ZNF581: variants seen among roughly 807,000 people sequenced by gnomAD.
ZNF581 encodes the protein zinc finger protein 581.
In ZNF581, 1 loss-of-function variant was observed where a neutral mutation model predicts 1.2. The observed-to-expected ratio is 0.83, with a 90% CI of 0.30 to 3.95. The LOEUF is 3.95. Among genes scored for constraint, ZNF581 ranks in the 30% most tolerant of loss-of-function variants. The pLI, the probability that ZNF581 is intolerant of heterozygous loss-of-function variation, is 0.18. For missense variants in ZNF581, 273 were observed against 274.6 expected, an observed-to-expected ratio of 0.99 and a Z score of 0.04; for synonymous variants, 105 against 109.2, an observed-to-expected ratio of 0.96 and a Z score of 0.24.
At chr19:55,639,976 G>A (rs1381879602), upstream of ZNF581, 1 of 213,690 alleles carries the variant, frequency 4.7e-6, no homozygotes, top group Non-Finnish European at 8.0e-6. Context: ...CATTTCAAGA[G>A]TGTAAGAGTC....
chr19:55,640,207 G>A (rs1047269683), upstream of ZNF581: 1 of 985,358 alleles, frequency 1.0e-6, no homozygotes, highest in Non-Finnish European at 1.2e-6. Context: ...CAGCTGCCCC[G>A]AGTGCTGCCG....
At chr19:55,640,493 G>C, upstream of ZNF581, 1 of 985,448 alleles carries the variant, frequency 1.0e-6, no homozygotes, top group Non-Finnish European at 1.2e-6. Flanking sequence ...CTGGCCCTCT[G>C]TGGGCCTCGG....
chr19:55,644,110 C>T lies in ZNF581; in HGVS notation c.-20+336C>T, dbSNP rs920409394. Reference sequence around the variant, plus strand: ...AACCTGGGGGTCCTAACGTCGGAGCCCCTGTGAATAGGCTTGGCTTGTATG... The same window carrying T: ...AACCTGGGGGTCCTAACGTCGGAGCTCCTGTGAATAGGCTTGGCTTGTATG... On this transcript the variant is annotated intron_variant, in intron 1 of 1. Coordinates refer to ENST00000270451, the MANE Select transcript of ZNF581 (RefSeq NM_016535.4). This position sits in a 1 kb window ranked among gnomAD's most constrained non-coding sequence, Gnocchi z 4.3. 3.9e-5 allele frequency among the ~76,000 whole-genome samples: 6 copies of T among 152,036 alleles called. No homozygotes were observed. The highest frequency in any genetic ancestry group is 7.4e-5 in the Non-Finnish European group (5 of 68,014).
rs1253992097 is a variant in ZNF581 at position 55,645,023 on chromosome 19, C to T, written c.452C>T (p.Pro151Leu). 84 of 1,592,192 alleles carry T rather than the reference C, an allele frequency of 5.3e-5. No homozygotes were observed. Among genetic ancestry groups the T allele is most frequent in the Non-Finnish European group, 7.0e-5 (82 of 1,164,064 alleles). ...CGGCCCCACGGCTGCCCGCTCTGCC[C>T]TCGCCGCTTCCGGGATGCGGGTGAG... ...GGRPHGCPLC[P>L]RRFRDAGELA... Residue 151 changes from proline (P) to leucine (L), a missense_variant, in exon 2 of 2, where the codon CCT becomes CTT. Pro to Leu is a moderately conservative substitution (Grantham distance 98). Transcript: ENST00000270451.
At chr19:55,640,757 C>T (rs1244937211), upstream of ZNF581, 2 of 985,514 alleles carry the variant, frequency 2.0e-6, no homozygotes, top group Non-Finnish European at 2.4e-6. Context: ...AGGACAAACC[C>T]TTGTGGGCCT....
upstream of ZNF581, chr19:55,641,283 G>A (rs551568085): frequency 5.3e-6 from 4 of 761,470 alleles, no homozygotes; most frequent in African/African-American, 1.9e-5. Flanking sequence ...TGGGGGTGGG[G>A]GTCGGGAGCG....
upstream of ZNF581, chr19:55,642,168 G>C (rs1982539753): frequency 9.2e-7 from 1 of 1,092,482 alleles, no homozygotes; most frequent in South Asian, 4.4e-5. Context: ...TTTAGGGATT[G>C]ATTGTCTGCT....
At chr19:55,642,203 G>A, upstream of ZNF581, 4 of 1,162,510 alleles carry the variant, frequency 3.4e-6, no homozygotes, top group Non-Finnish European at 4.2e-6. Flanking sequence ...GGAGAAAAGG[G>A]AAGAAAAGTC....
Position 55,645,380 on chromosome 19 carries a change from C to T in ZNF581, c.*215C>T, listed in dbSNP as rs1600051610. On this transcript the variant is annotated 3_prime_UTR_variant, in exon 2 of 2. Transcript: ENST00000270451. ...GAGCTGAGATGGGAATGAGCCCCTA[C>T]ACAGAATGGAGTCCTCTAGCCTAAA... The T allele has an allele frequency of 1.5e-5, 7 of 477,636 alleles. No individual in the cohort carries two copies. In the East Asian group the frequency reaches 1.6e-4, roughly 11 times the overall value. 29.6% of individuals were successfully genotyped at this position (477,636 alleles called of 1,614,324 possible).
chr19:55,642,675 T>C, upstream of ZNF581: 1 of 1,431,748 alleles, frequency 7.0e-7, no homozygotes, highest in Non-Finnish European at 9.2e-7. Context: ...CACCTCCTCA[T>C]CGACGCCAAT....
upstream of ZNF581, chr19:55,642,082 A>G (rs927201149): frequency 2.0e-6 from 2 of 990,590 alleles, no homozygotes; most frequent in Non-Finnish European, 2.4e-6. Flanking sequence ...GCAACAGGAA[A>G]AAAGAAGAAA....
At chr19:55,641,128 CG>C, upstream of ZNF581, 1 of 985,140 alleles carries the variant, frequency 1.0e-6, no homozygotes, top group South Asian at 4.7e-5. Context: ...AGGGGAAGCC[CG>C]GGGCCGCCCG....
chr19:55,640,921 G>A (rs965503028), upstream of ZNF581: 35 of 985,306 alleles, frequency 3.6e-5, no homozygotes, highest in Non-Finnish European at 3.7e-5. Flanking sequence ...TCCCCGCAGG[G>A]CGCTCCGCAG....
upstream of ZNF581, chr19:55,640,940 G>T: frequency 5.1e-6 from 5 of 985,396 alleles, no homozygotes; most frequent in Non-Finnish European, 6.0e-6. Context: ...AGAGGCGAGG[G>T]GTGGGAGCGC....
At chr19:55,643,158 C>T (rs1160076803), upstream of ZNF581, 5 of 1,245,350 alleles carry the variant, frequency 4.0e-6, no homozygotes, top group African/African-American at 1.6e-5. Flanking sequence ...CTCAGTTTCC[C>T]CACCTTCCAA....
In ZNF581 at chr19:55,644,535, C is replaced by T. The variant is rs1213768141; in HGVS notation, c.-19-18C>T. On this transcript the variant is annotated intron_variant, in intron 1 of 1. Transcript: ENST00000270451. The surrounding 1 kb of genome is among the most constrained non-coding windows in gnomAD (Gnocchi z 4.3). ...CCCTCTTCTATATAACCTTCTTATCCCATCTCCCATCCACCAGGCCTCAGC... is the reference window on the plus strand; with the variant it reads ...CCCTCTTCTATATAACCTTCTTATCTCATCTCCCATCCACCAGGCCTCAGC... 4.1e-6 allele frequency: 6 copies of T among 1,478,324 alleles called. No individual in the cohort carries two copies. Among genetic ancestry groups the T allele is most frequent in the Non-Finnish European group, 4.6e-6 (5 of 1,096,566 alleles). 91.6% of individuals were successfully genotyped at this position (1,478,324 alleles called of 1,614,324 possible).
upstream of ZNF581, chr19:55,641,148 G>A (rs1982440078): frequency 2.0e-6 from 2 of 985,328 alleles, no homozygotes; most frequent in Admixed American, 6.1e-5. Flanking sequence ...CGGGACCTCG[G>A]CCCGTTCCTC....
Position 55,645,586 on chromosome 19 carries a change from T to A in ZNF581, c.*421T>A. 1.1e-5 allele frequency: 2 copies of A among 177,896 alleles called. No individual in the cohort carries two copies. Among genetic ancestry groups the A allele is most frequent in the Non-Finnish European group, 2.6e-5 (2 of 75,740 alleles). 11.0% of individuals were successfully genotyped at this position (177,896 alleles called of 1,614,324 possible). Reference sequence around the variant, plus strand: ...CTGCCTTCCACCCCCCAACCAGGCCTGAGACTGATCAAACAATAAACACGT... The same window carrying A: ...CTGCCTTCCACCCCCCAACCAGGCCAGAGACTGATCAAACAATAAACACGT... On this transcript the variant is annotated 3_prime_UTR_variant, in exon 2 of 2. Coordinates refer to ENST00000270451, the MANE Select transcript of ZNF581 (RefSeq NM_016535.4).
chr19:55,637,748 G>A (rs1263613727), upstream of ZNF581, among the ~76,000 whole-genome samples: 3 of 152,188 alleles, frequency 2.0e-5, no homozygotes, highest in Non-Finnish European at 4.4e-5. Flanking sequence ...TGGCCATCCC[G>A]CCTGCGGATG....
Sources: allele counts gnomAD v4.1 joint callset (sites outside exome capture counted in the v4.1 genomes callset), GRCh38; gene constraint gnomAD v4.1.1; non-coding constraint Gnocchi (gnomAD v3.1); transcripts MANE v1.5; gene names NCBI Gene and HGNC (gene_info 2026-07-23, HGNC 2026-07-21).